SPMIP2: variants seen among roughly 807,000 people sequenced by gnomAD.
SPMIP2 encodes the protein protein SPMIP2.
At chr4:158,913,544 A>G in the SPMIP2 span, among the ~76,000 whole-genome samples, 1 of 152,154 alleles carries the variant, frequency 6.6e-6, no homozygotes, top group South Asian at 2.1e-4. Flanking sequence ...TCGACTATGA[A>G]CTTTAGATTA....
chr4:158,902,956 G>A, the SPMIP2 span, among the ~76,000 whole-genome samples: 2 of 151,746 alleles, frequency 1.3e-5, no homozygotes, highest in South Asian at 2.1e-4. Context: ...CAGACCACTC[G>A]GCTCCCTGGC....
chr4:159,038,567 G>T, the SPMIP2 span: 4 of 152,170 alleles, frequency 2.6e-5, no homozygotes, highest in African/African-American at 7.2e-5. Context: ...TGTAGTAAGA[G>T]TAATGATAAA....
the SPMIP2 span, among the ~76,000 whole-genome samples, chr4:158,904,199 A>G: frequency 6.6e-6 from 1 of 152,220 alleles, no homozygotes; most frequent in Non-Finnish European, 1.5e-5. Flanking sequence ...ACCCCTGCCA[A>G]GGGAAAAAGA....
the SPMIP2 span, among the ~76,000 whole-genome samples, chr4:158,911,094 C>G: frequency 6.6e-6 from 1 of 152,174 alleles, no homozygotes; most frequent in African/African-American, 2.4e-5. Flanking sequence ...CCCATAAAGG[C>G]TGACATAGAT....
chr4:158,990,871 ATAAT>A, the SPMIP2 span, among the ~76,000 whole-genome samples: 47 of 90,218 alleles, frequency 5.2e-4, no homozygotes, highest in Admixed American at 1.9e-3. Context: ...AACTTAAAAT[ATAAT>A]AAAAAACGTT....
chr4:158,924,227 T>C, the SPMIP2 span, among the ~76,000 whole-genome samples: 3 of 152,210 alleles, frequency 2.0e-5, no homozygotes, highest in African/African-American at 7.2e-5. Context: ...TGTGGTACTT[T>C]GTTACAGCAG....
chr4:159,078,184 G>T, the SPMIP2 span, among the ~76,000 whole-genome samples: 1,408 of 152,272 alleles, frequency 9.2e-3, 26 homozygotes, highest in African/African-American at 0.032. Context: ...GTTTGTTAAA[G>T]AAAGTTTTCA....
the SPMIP2 span, among the ~76,000 whole-genome samples, chr4:158,968,675 C>G: frequency 1.3e-5 from 2 of 152,316 alleles, no homozygotes; most frequent in African/African-American, 4.8e-5. Flanking sequence ...CTGTTGATAC[C>G]TCAGTTTCCT....
At chr4:159,007,703 G>A in the SPMIP2 span, 3 of 692,100 alleles carry the variant, frequency 4.3e-6, no homozygotes, top group Admixed American at 3.7e-5. Context: ...AGCGAGATGA[G>A]GCAGCCTATG....
At chr4:158,964,848 G>A in the SPMIP2 span, among the ~76,000 whole-genome samples, 1 of 152,142 alleles carries the variant, frequency 6.6e-6, no homozygotes, top group Non-Finnish European at 1.5e-5. Flanking sequence ...GAGCAAAGAA[G>A]GAACCCCCTT....
At chr4:159,025,416 C>T in the SPMIP2 span, among the ~76,000 whole-genome samples, 229 of 152,282 alleles carry the variant, frequency 1.5e-3, no homozygotes, top group African/African-American at 5.3e-3. Flanking sequence ...CCCCCCACCT[C>T]GGCCTCCCAA....
the SPMIP2 span, among the ~76,000 whole-genome samples, chr4:158,990,015 G>T: frequency 6.6e-6 from 1 of 152,078 alleles, no homozygotes; most frequent in Non-Finnish European, 1.5e-5. Flanking sequence ...AATCTCCAAA[G>T]AACTTAAATA....
At chr4:159,056,884 T>G in the SPMIP2 span, among the ~76,000 whole-genome samples, 148 of 152,344 alleles carry the variant, frequency 9.7e-4, 3 homozygotes, top group South Asian at 0.021. Flanking sequence ...ATGCTGAGCT[T>G]CTTCAAATGA....
chr4:159,014,519 T>G, the SPMIP2 span, among the ~76,000 whole-genome samples: 1 of 152,200 alleles, frequency 6.6e-6, no homozygotes. Flanking sequence ...ACAAATTTTT[T>G]TTTTATTATA....
At chr4:159,044,038 T>C in the SPMIP2 span, among the ~76,000 whole-genome samples, 1 of 152,342 alleles carries the variant, frequency 6.6e-6, no homozygotes, top group South Asian at 2.1e-4. Context: ...TACTCCACTT[T>C]GAAAATTTTC....
At chr4:158,935,345 C>T in the SPMIP2 span, among the ~76,000 whole-genome samples, 7 of 152,176 alleles carry the variant, frequency 4.6e-5, no homozygotes, top group African/African-American at 1.7e-4. Flanking sequence ...TCAGTGTCTA[C>T]CCACCTGCAA....
chr4:159,011,465 T>C, the SPMIP2 span, among the ~76,000 whole-genome samples: 1 of 152,214 alleles, frequency 6.6e-6, no homozygotes, highest in Non-Finnish European at 1.5e-5. Flanking sequence ...ATAAAAATTA[T>C]TCTGGCTGGA....
chr4:158,918,503 T>A, the SPMIP2 span, among the ~76,000 whole-genome samples: 1 of 152,252 alleles, frequency 6.6e-6, no homozygotes, highest in Non-Finnish European at 1.5e-5. Context: ...CATGCAAATG[T>A]CACCTTTTCT....
chr4:158,937,061 G>A, the SPMIP2 span, among the ~76,000 whole-genome samples: 5 of 152,158 alleles, frequency 3.3e-5, no homozygotes, highest in Non-Finnish European at 7.4e-5. Context: ...CTACAGGTCC[G>A]TTTTAGACGT....
Sources: allele counts gnomAD v4.1 joint callset (sites outside exome capture counted in the v4.1 genomes callset), GRCh38; gene constraint gnomAD v4.1.1; transcripts MANE v1.5; gene names NCBI Gene and HGNC (gene_info 2026-07-23, HGNC 2026-07-21).